Variants in APOD observed in about 807,000 individuals in gnomAD.
APOD encodes apolipoprotein D.
APOD carries 22 observed loss-of-function variants against 20.4 expected under a neutral mutation model. That is an observed-to-expected ratio of 1.08 (90% CI 0.77 to 1.54). The LOEUF (loss-of-function observed/expected upper bound fraction) is 1.54. Among genes scored for constraint, APOD ranks in the 40% most tolerant of loss-of-function variants. The pLI is 0.00. For missense variants in APOD, 223 were observed against 229.6 expected, an observed-to-expected ratio of 0.97 and a Z score of 0.19; for synonymous variants, 97 against 92.4, an observed-to-expected ratio of 1.05 and a Z score of -0.29.
chr3:195,569,191 G>A, intron 4 of APOD, 56 bp from the exon 5 acceptor site: 7 of 1,486,756 alleles, frequency 4.7e-6, no homozygotes, highest in Admixed American at 1.7e-5. Flanking sequence ...GAAATCTCAG[G>A]ACAACACAAG....
Position 195,568,837 on chromosome 3 carries a change from G to GGAGGT in APOD, c.*62_*63insACCTC, listed in dbSNP as rs142189206. 9 of 982,922 alleles carry GGAGGT rather than the reference G, an allele frequency of 9.2e-6. No homozygotes were observed. In the South Asian group the frequency reaches 1.2e-4, roughly 13 times the overall value. 60.9% of individuals were successfully genotyped at this position (982,922 alleles called of 1,614,324 possible). On this transcript the variant is annotated 3_prime_UTR_variant, in exon 5 of 5. Transcript: ENST00000343267. ...GTTGATTGGTTTGTCTTTATGGGGG[G>GGAGGT]GGGGTAGGGGAAAGCGAAGCAGAAG... is the stretch of plus-strand genomic sequence containing the variant.
intron 1 of APOD, chr3:195,583,068 C>T (rs952824967): frequency 5.9e-5 from 9 of 152,240 alleles, no homozygotes; most frequent in Admixed American, 1.3e-4. Context: ...TAAGCTTACC[C>T]GTGGAGAAGC....
rs1432270348 is a variant in APOD, at chr3:195,573,843, C to A, written c.245+7G>T. The A allele has an allele frequency of 3.1e-6, 5 of 1,613,770 alleles. No individual in the cohort carries two copies. Among genetic ancestry groups the A allele is most frequent in the Non-Finnish European group, 2.5e-6 (3 of 1,179,788 alleles). ...AGGCCTGGCCCCGGACGCCCACAGC[C>A]ACTCACCTCAACTCCTGGTTTAACA... On this transcript the variant is annotated splice_region_variant and intron_variant, in intron 3 of 4. Transcript: ENST00000343267.
At chr3:195,579,206 G>C in intron 2 of APOD, 133 bp downstream of exon 2, 1 of 1,425,388 alleles carries the variant, frequency 7.0e-7, no homozygotes, top group Non-Finnish European at 9.5e-7. Flanking sequence ...GTCTGCTTTG[G>C]GGAAACCCCA....
chr3:195,574,481 G>T (rs1720218385), intron 2 of APOD, among the ~76,000 whole-genome samples: 1 of 152,204 alleles, frequency 6.6e-6, no homozygotes, highest in Non-Finnish European at 1.5e-5. Context: ...GACTTCAGGT[G>T]TATACAGTTA....
At chr3:195,583,579 G>T (rs989697687) in intron 1 of APOD, among the ~76,000 whole-genome samples, 13 of 152,212 alleles carry the variant, frequency 8.5e-5, no homozygotes, top group Non-Finnish European at 1.9e-4. Context: ...GAAACACCTC[G>T]TTGTCCAGTT....
At chr3:195,574,455 G>C (rs190132458) in intron 2 of APOD, among the ~76,000 whole-genome samples, 1 of 152,114 alleles carries the variant, frequency 6.6e-6, no homozygotes, top group East Asian at 1.9e-4. Context: ...TTCTCTAGGG[G>C]CCTGCGCTCA....
intron 2 of APOD, among the ~76,000 whole-genome samples, chr3:195,574,514 T>C (rs954616527): frequency 1.3e-5 from 2 of 152,134 alleles, no homozygotes; most frequent in African/African-American, 4.8e-5. Flanking sequence ...GCTGCCACTG[T>C]GTGGGGAAGG....
chr3:195,575,522 G>A (rs1445895862), intron 2 of APOD, among the ~76,000 whole-genome samples: 28 of 152,306 alleles, frequency 1.8e-4, no homozygotes, highest in South Asian at 2.1e-4. Flanking sequence ...TGCTACTGGG[G>A]AGGGAAACTG....
At chr3:195,575,237 T>G (rs1720228982) in intron 2 of APOD, among the ~76,000 whole-genome samples, 1 of 152,190 alleles carries the variant, frequency 6.6e-6, no homozygotes, top group African/African-American at 2.4e-5. Context: ...TCATCAAACC[T>G]CTCTCTCTTA....
At chr3:195,581,600 C>T (rs1314229695) in intron 1 of APOD, among the ~76,000 whole-genome samples, 1 of 152,144 alleles carries the variant, frequency 6.6e-6, no homozygotes, top group African/African-American at 2.4e-5. Context: ...AGCTGGGACT[C>T]GAGCTCCATC....
intron 1 of APOD, among the ~76,000 whole-genome samples, chr3:195,580,398 TTTTTGTTTTG>T (rs372834371): frequency 7.1e-6 from 1 of 140,712 alleles, no homozygotes; most frequent in East Asian, 2.1e-4. Context: ...CTGTTGAGGG[TTTTTGTTTTG>T]TTTTGTTTTG....
chr3:195,579,398 C>G lies in APOD; in HGVS notation c.64G>C (p.Ala22Pro). 3.1e-6 allele frequency: 5 copies of G among 1,614,186 alleles called. No individual in the cohort carries two copies. The South Asian group carries it at 5.5e-5, about 18-fold the overall frequency. Reference protein sequence around the residue: ...AGLFGAAEGQAFHLGKCPNPP... With the variant: ...AGLFGAAEGQPFHLGKCPNPP... Reference sequence around the variant, plus strand: ...TTGGGGCACTTCCCAAGATGAAATGCTTGTCCCTCTGCCGCACCGAAGAGG... The same window carrying G: ...TTGGGGCACTTCCCAAGATGAAATGGTTGTCCCTCTGCCGCACCGAAGAGG... Residue 22 changes from alanine (A) to proline (P), a missense_variant, in exon 2 of 5, where the codon GCA becomes CCA. By Grantham distance (27) the Ala-to-Pro change is conservative. Coordinates refer to ENST00000343267, the MANE Select transcript of APOD (RefSeq NM_001647.4).
At position 195,568,735 on chromosome 3, in the gene APOD, C is replaced by T. The variant is rs1720100411; in HGVS notation, c.*165G>A. The stretch of plus-strand genomic sequence containing the variant: ...ATCTACTGCGAGCACAGCAGGTCAG[C>T]AACAAGTTTATTTTGCAGCTAGCAA... On this transcript the variant is annotated 3_prime_UTR_variant, in exon 5 of 5. Coordinates refer to ENST00000343267, the MANE Select transcript of APOD (RefSeq NM_001647.4). The T allele has an allele frequency of 1.6e-6, 1 of 616,222 alleles. No homozygotes were observed. Among genetic ancestry groups the T allele is most frequent in the South Asian group, 1.9e-5 (1 of 51,910 alleles). The allele number at this position is 616,222 out of a possible 1,614,324, so 38.2% of individuals were successfully genotyped here.
At chr3:195,574,544 C>T in intron 2 of APOD, among the ~76,000 whole-genome samples, 1 of 152,174 alleles carries the variant, frequency 6.6e-6, no homozygotes, top group Non-Finnish European at 1.5e-5. Context: ...CCAGGCCCTC[C>T]TAGGCTGCCT....
Position 195,573,988 on chromosome 3 carries a change from CA to C in APOD, c.124-18del. ...TCCGAGATACTGCAGAGACAACAAGCAGAGCAAAACCCTGTGGTTCTCTGGG... is the reference window on the plus strand; with the variant it reads ...TCCGAGATACTGCAGAGACAACAAGCGAGCAAAACCCTGTGGTTCTCTGGG... On this transcript the variant is annotated intron_variant, in intron 2 of 4. Coordinates refer to ENST00000343267, the MANE Select transcript of APOD (RefSeq NM_001647.4). 6.2e-7 allele frequency: 1 copy of C among 1,612,940 alleles called. No homozygotes were observed. Among genetic ancestry groups the C allele is most frequent in the African/African-American group, 1.3e-5 (1 of 75,012 alleles).
intron 3 of APOD, among the ~76,000 whole-genome samples, chr3:195,573,268 T>C (rs1229632394): frequency 6.6e-6 from 1 of 152,224 alleles, no homozygotes; most frequent in East Asian, 1.9e-4. Flanking sequence ...TGGGGCTCTT[T>C]TTAAGTTTAT....
At chr3:195,578,716 C>T (rs1426136259) in intron 2 of APOD, among the ~76,000 whole-genome samples, 1 of 152,136 alleles carries the variant, frequency 6.6e-6, no homozygotes, top group African/African-American at 2.4e-5. Flanking sequence ...CTTTGGGTGC[C>T]CTGCACTGCT....
intron 1 of APOD, among the ~76,000 whole-genome samples, chr3:195,580,368 CT>C (rs201305902): frequency 3.2e-4 from 45 of 140,620 alleles, no homozygotes; most frequent in African/African-American, 3.2e-4. Flanking sequence ...TTTCTTTCTT[CT>C]TTTTTTTTTT....
Sources: allele counts gnomAD v4.1 joint callset (sites outside exome capture counted in the v4.1 genomes callset), GRCh38; gene constraint gnomAD v4.1.1; transcripts MANE v1.5; gene names NCBI Gene and HGNC (gene_info 2026-07-23, HGNC 2026-07-21).